GALNT13: variants seen among roughly 807,000 people sequenced by gnomAD.
GALNT13 encodes the protein UDP-GalNAc:polypeptide N-acetylgalactosaminyltransferase 13.
In GALNT13, 28 loss-of-function variants were observed where a neutral mutation model predicts 64.2. The observed-to-expected ratio is 0.44, with a 90% CI of 0.32 to 0.60. The LOEUF (loss-of-function observed/expected upper bound fraction) is 0.60. GALNT13 is among the 20% of genes least tolerant of loss of function. GALNT13 has a pLI of 0.05. For synonymous variants in GALNT13, 214 were observed against 224.6 expected, an observed-to-expected ratio of 0.95 and a Z score of 0.42; for missense variants, 577 against 669.8, an observed-to-expected ratio of 0.86 and a Z score of 1.53.
At chr2:153,561,641 C>CTGTGTGTGTGTGTGTGTG in the GALNT13 span, among the ~76,000 whole-genome samples, 68 of 146,572 alleles carry the variant, frequency 4.6e-4, no homozygotes, top group East Asian at 1.2e-3. Context: ...GATGTTCAAC[C>CTGTGTGTGTGTGTGTGTG]TGTGTGTGTG....
At chr2:153,125,092 C>A in the GALNT13 span, among the ~76,000 whole-genome samples, 2 of 151,946 alleles carry the variant, frequency 1.3e-5, no homozygotes, top group Admixed American at 1.3e-4. Context: ...TAAGTATATA[C>A]CATGTAATAT....
the GALNT13 span, among the ~76,000 whole-genome samples, chr2:153,146,989 C>T: frequency 6.6e-6 from 1 of 151,826 alleles, no homozygotes; most frequent in South Asian, 2.1e-4. Flanking sequence ...ATTCCAGAAG[C>T]CAGGTAGCAG....
chr2:153,385,499 A>G, the GALNT13 span, among the ~76,000 whole-genome samples: 1 of 152,012 alleles, frequency 6.6e-6, no homozygotes. Context: ...AATTAAACTC[A>G]TGGGGATAGA....
the GALNT13 span, among the ~76,000 whole-genome samples, chr2:153,708,048 C>T: frequency 6.6e-6 from 1 of 152,044 alleles, no homozygotes; most frequent in South Asian, 2.1e-4. Context: ...CGGATCTTTC[C>T]ATACCCCCTA....
the GALNT13 span, among the ~76,000 whole-genome samples, chr2:153,136,227 C>G: frequency 6.6e-6 from 1 of 152,066 alleles, no homozygotes; most frequent in East Asian, 1.9e-4. Context: ...CCCCTTTACT[C>G]TTTTACAAAC....
the GALNT13 span, among the ~76,000 whole-genome samples, chr2:153,320,767 A>G: frequency 6.6e-6 from 1 of 152,240 alleles, no homozygotes; most frequent in Non-Finnish European, 1.5e-5. Flanking sequence ...TATACCAAAT[A>G]AAGTTCACCT....
At chr2:153,151,968 C>G in the GALNT13 span, among the ~76,000 whole-genome samples, 2 of 151,956 alleles carry the variant, frequency 1.3e-5, no homozygotes, top group Admixed American at 6.6e-5. Context: ...TACCCTAAAA[C>G]TTAAAGTATA....
chr2:154,246,986 T>C (rs1269054129), intron 7 of GALNT13, among the ~76,000 whole-genome samples: 1 of 152,048 alleles, frequency 6.6e-6, no homozygotes, highest in Non-Finnish European at 1.5e-5. Context: ...GAATGTCTGG[T>C]AACCTACTGA....
At chr2:153,733,920 AT>A in the GALNT13 span, among the ~76,000 whole-genome samples, 33 of 152,324 alleles carry the variant, frequency 2.2e-4, no homozygotes, top group African/African-American at 7.5e-4. Context: ...GTTCTTTCAG[AT>A]TGCTGAATTC....
the GALNT13 span, among the ~76,000 whole-genome samples, chr2:153,704,802 A>T: frequency 1.3e-5 from 2 of 152,220 alleles, no homozygotes; most frequent in African/African-American, 4.8e-5. Flanking sequence ...ATACAGATTA[A>T]CAGCACAAAG....
At chr2:153,849,263 A>G in the GALNT13 span, among the ~76,000 whole-genome samples, 1 of 152,180 alleles carries the variant, frequency 6.6e-6, no homozygotes, top group Non-Finnish European at 1.5e-5. Context: ...AATAGAAGAA[A>G]CTATCTTAAA....
chr2:153,999,413 T>C (rs556724700), intron 3 of GALNT13, among the ~76,000 whole-genome samples: 7 of 152,162 alleles, frequency 4.6e-5, no homozygotes, highest in Non-Finnish European at 1.0e-4. Context: ...GGAAAAACTA[T>C]AAACTTTTCC....
At chr2:153,410,762 A>C in the GALNT13 span, among the ~76,000 whole-genome samples, 67,100 of 151,794 alleles carry the variant, frequency 0.44, 16,417 homozygotes, top group African/African-American at 0.66. Flanking sequence ...ATAGAGATAA[A>C]AATAAGCCAT....
chr2:154,456,508 C>T (rs1702034307), downstream of GALNT13, among the ~76,000 whole-genome samples: 2 of 151,814 alleles, frequency 1.3e-5, no homozygotes, highest in Non-Finnish European at 1.5e-5. Flanking sequence ...TATGCTTAAC[C>T]TCCATGTTTG....
intron 9 of GALNT13, among the ~76,000 whole-genome samples, chr2:154,314,112 G>A (rs1288687434): frequency 6.6e-6 from 1 of 152,104 alleles, no homozygotes; most frequent in Non-Finnish European, 1.5e-5. Flanking sequence ...TACTACGTCT[G>A]AATTAAATAT....
chr2:153,619,628 C>A, the GALNT13 span, among the ~76,000 whole-genome samples: 559 of 152,176 alleles, frequency 3.7e-3, 6 homozygotes, highest in African/African-American at 0.012. Context: ...AGTATCCCAT[C>A]TGGTATTAAT....
rs972552820 is a variant in GALNT13 at position 154,450,538 on chromosome 2, C to T, written c.1658C>T (p.Thr553Ile). 6.2e-7 allele frequency: 1 copy of T among 1,604,064 alleles called. No individual in the cohort carries two copies. The highest frequency in any genetic ancestry group is 8.5e-7 in the Non-Finnish European group (1 of 1,176,664). ...RSQQWLLRNM[T>I]LGT ...CAACAGTGGCTGCTAAGGAACATGA[C>T]CTTGGGCACATGAAGATCATGTCCT... The change falls in exon 13 of 13, where the codon ACC becomes ATC. Residue 553 changes from threonine to isoleucine, a missense_variant. Around this residue, in one of 3 missense-constraint regions of GALNT13, gnomAD observed 232 missense variants for 270.6 expected, o/e 0.86. Coordinates refer to ENST00000392825, the MANE Select transcript of GALNT13 (RefSeq NM_052917.4).
At chr2:154,213,310 G>A (rs1437060256) in intron 4 of GALNT13, among the ~76,000 whole-genome samples, 1 of 151,952 alleles carries the variant, frequency 6.6e-6, no homozygotes, top group Non-Finnish European at 1.5e-5. Flanking sequence ...GAACTCCTGG[G>A]CTCAAGCAGT....
At chr2:154,310,941 CATATATATTCATAGAATATTCTAAGA>C (rs766192483) in intron 9 of GALNT13, among the ~76,000 whole-genome samples, 25 of 129,450 alleles carry the variant, frequency 1.9e-4, no homozygotes, top group Non-Finnish European at 3.5e-4. Flanking sequence ...TATTATTATT[CATATATATTCATAGAATATTCTAAGA>C]ATATATATTC....
Sources: allele counts gnomAD v4.1 joint callset (sites outside exome capture counted in the v4.1 genomes callset), GRCh38; gene constraint gnomAD v4.1.1; regional missense constraint gnomAD v4.1.1; transcripts MANE v1.5; gene names NCBI Gene and HGNC (gene_info 2026-07-23, HGNC 2026-07-21).